PCDHA8: variants seen among roughly 807,000 people sequenced by gnomAD.
The protein encoded by PCDHA8 is protocadherin alpha-8.
A neutral mutation model predicts 61.8 loss-of-function variants in PCDHA8; 53 were observed. That is an observed-to-expected ratio of 0.86 (90% CI 0.69 to 1.08). The LOEUF is 1.08. Among genes scored for constraint, PCDHA8 ranks in the 50% least tolerant of loss-of-function variants. The pLI, the probability that PCDHA8 is intolerant of heterozygous loss-of-function variation, is 0.00. For missense variants in PCDHA8, 1,293 were observed against 1,245.0 expected (o/e 1.04, Z -0.58); for synonymous variants, 618 against 556.6 (o/e 1.11, Z -1.55).
At chr5:140,997,472 C>CACA (rs1386540010) in intron 3 of PCDHA8, among the ~76,000 whole-genome samples, 12 of 152,120 alleles carry the variant, frequency 7.9e-5, no homozygotes, top group Non-Finnish European at 1.8e-4. Context: ...GCAATTTTTA[C>CACA]ACAATGATAA....
At chr5:140,985,740 T>TG (rs1554247304) in intron 3 of PCDHA8, among the ~76,000 whole-genome samples, 2 of 53,688 alleles carry the variant, frequency 3.7e-5, no homozygotes, top group Admixed American at 1.9e-4. Flanking sequence ...GATGAATTCC[T>TG]TTTTTTTTTT....
At chr5:140,863,386 T>A in intron 1 of PCDHA8, 1 of 1,032,574 alleles carries the variant, frequency 9.7e-7, no homozygotes, top group Non-Finnish European at 1.4e-6. Context: ...CGAGAGCTCG[T>A]GCATGCCGGG....
rs141054640 is a variant in PCDHA8 at position 140,849,634 on chromosome 5, A to G, written c.2394+5919A>G. The G allele has an allele frequency of 6.8e-4, 1,094 of 1,598,766 alleles. 107 individuals are homozygous for G. Among genetic ancestry groups the G allele is most frequent in the South Asian group, 1.2e-3 (106 of 90,564 alleles). On this transcript the variant is annotated intron_variant, in intron 1 of 3. Coordinates refer to ENST00000531613, the MANE Select transcript of PCDHA8 (RefSeq NM_018911.3). Reference sequence around the variant, plus strand: ...ATTAGTGTGATCGACCTAGACGCAGATGCCAACGGGCAGGTTACCTGCTCC... The same window carrying G: ...ATTAGTGTGATCGACCTAGACGCAGGTGCCAACGGGCAGGTTACCTGCTCC...
intron 1 of PCDHA8, among the ~76,000 whole-genome samples, chr5:140,941,202 C>CCTTCCTTTCTTTCTTT (rs1554213920): frequency 7.0e-4 from 86 of 122,822 alleles, no homozygotes; most frequent in Admixed American, 2.1e-3. Context: ...TTTCTTTCTT[C>CCTTCCTTTCTTTCTTT]CTTTCTTTCT....
At chr5:140,892,592 C>T (rs1053889046) in intron 1 of PCDHA8, among the ~76,000 whole-genome samples, 2 of 152,214 alleles carry the variant, frequency 1.3e-5, no homozygotes, top group Admixed American at 6.5e-5. Context: ...TATTCATTCA[C>T]CTATTTTTTT....
intron 3 of PCDHA8, among the ~76,000 whole-genome samples, chr5:140,989,670 C>T (rs907417768): frequency 6.6e-6 from 1 of 152,104 alleles, no homozygotes; most frequent in African/African-American, 2.4e-5. Flanking sequence ...GAAACTCTGC[C>T]CAGATTTCAA....
chr5:141,009,717 A>C lies in PCDHA8; in HGVS notation c.2633A>C (p.Gln878Pro). Residue 878 changes from glutamine to proline, a missense_variant, in exon 4 of 4, where the codon CAA becomes CCA. Coordinates refer to ENST00000531613, the MANE Select transcript of PCDHA8 (RefSeq NM_018911.3). ...AAATACGGACCAGGCAACCCCAAAC[A>C]ATCCGGTCCCGGTGAGTTGCCCGAC... ...TFKYGPGNPK[Q>P]SGPGELPDKF... is the part of the protein sequence containing the mutation. 4 of 1,614,058 alleles carry C rather than the reference A, an allele frequency of 2.5e-6. No homozygotes were observed. The highest frequency in any genetic ancestry group is 3.4e-6 in the Non-Finnish European group (4 of 1,180,004).
chr5:140,900,167 T>C (rs756471243), intron 1 of PCDHA8, among the ~76,000 whole-genome samples: 1 of 152,238 alleles, frequency 6.6e-6, no homozygotes, highest in Non-Finnish European at 1.5e-5. Context: ...TGTCTTTCTG[T>C]GCCTGGTTTA....
chr5:140,863,399 A>G, intron 1 of PCDHA8: 2 of 871,986 alleles, frequency 2.3e-6, no homozygotes, highest in Non-Finnish European at 3.6e-6. Context: ...ATGCCGGGCA[A>G]GCCCACGCTG....
intron 1 of PCDHA8, among the ~76,000 whole-genome samples, chr5:140,887,924 G>C (rs782008714): frequency 6.6e-5 from 10 of 152,026 alleles, no homozygotes; most frequent in Admixed American, 6.6e-4. Context: ...TCATTTCAGA[G>C]ACCATATTTA....
intron 1 of PCDHA8, chr5:140,860,872 G>C (rs923006368): frequency 1.3e-5 from 2 of 152,288 alleles, no homozygotes; most frequent in African/African-American, 4.8e-5. Context: ...GGAGTAGCTG[G>C]GACTACAGGT....
Position 140,843,333 on chromosome 5 carries a change from A to G in PCDHA8, c.2012A>G (p.Glu671Gly), listed in dbSNP as rs2150357637. 2.5e-6 allele frequency: 4 copies of G among 1,596,000 alleles called. No homozygotes were observed. The Admixed American group carries it at 5.1e-5, about 20-fold the overall frequency. ...ATATVLVSLV[E>G]SGQAPKASSR... ...GCCACGGTTCTGGTGTCGCTGGTGG[A>G]GAGCGGCCAGGCTCCAAAAGCGTCA... Residue 671 changes from glutamate (E) to glycine (G), a missense_variant, in exon 1 of 4, where the codon GAG becomes GGG. By Grantham distance (98) the Glu-to-Gly change is moderately conservative. Transcript: ENST00000531613.
intron 1 of PCDHA8, among the ~76,000 whole-genome samples, chr5:140,953,085 A>G (rs1197965470): frequency 2.0e-5 from 3 of 152,246 alleles, no homozygotes; most frequent in African/African-American, 4.8e-5. Flanking sequence ...ATTGGGGATT[A>G]CAATTTGACA....
chr5:140,866,976 C>T (rs2049689450), intron 1 of PCDHA8: 2 of 152,224 alleles, frequency 1.3e-5, no homozygotes, highest in East Asian at 1.9e-4. Context: ...TCTGAAATAT[C>T]ACAGCCAAAA....
chr5:140,891,226 C>T (rs1417836006), intron 1 of PCDHA8, among the ~76,000 whole-genome samples: 1 of 152,026 alleles, frequency 6.6e-6, no homozygotes, highest in Admixed American at 6.6e-5. Flanking sequence ...TTATAATCAT[C>T]CTGTTCTGGA....
intron 1 of PCDHA8, among the ~76,000 whole-genome samples, chr5:140,956,457 G>T (rs1197742299): frequency 2.0e-5 from 3 of 152,184 alleles, no homozygotes; most frequent in African/African-American, 7.2e-5. Flanking sequence ...TACATTTATT[G>T]ATTTGCATAT....
At position 140,843,553 on chromosome 5, in the gene PCDHA8, G is replaced by A. The variant is rs1275122592; in HGVS notation, c.2232G>A (p.Ala744=). Residue 744 remains alanine, a synonymous_variant, in exon 1 of 4, where the codon GCG becomes GCA. Coordinates refer to ENST00000531613, the MANE Select transcript of PCDHA8 (RefSeq NM_018911.3). ...AGKPTLVCSS[A]VGSWSYSQQQ... ...AGCCCACTCTGGTGTGCTCCAGTGC[G>A]GTGGGGAGCTGGTCATACTCGCAAC... 15 of 1,595,808 alleles carry A rather than the reference G, an allele frequency of 9.4e-6. 2 individuals carry two copies. The highest frequency in any genetic ancestry group is 2.2e-5 in the South Asian group (2 of 90,502).
chr5:141,009,060 G>C (rs1192687086), intron 3 of PCDHA8, among the ~76,000 whole-genome samples: 4 of 152,176 alleles, frequency 2.6e-5, no homozygotes, highest in Non-Finnish European at 5.9e-5. Context: ...AATCACAACT[G>C]TATTCTTTAG....
chr5:140,854,990 G>A (rs2043295354), intron 1 of PCDHA8, among the ~76,000 whole-genome samples: 1 of 149,498 alleles, frequency 6.7e-6, no homozygotes, highest in African/African-American at 2.5e-5. Context: ...GATTCTTTTT[G>A]CCCGTGTAAG....
Sources: gnomAD v4.1 joint callset for allele counts (sites outside exome capture counted in the v4.1 genomes callset) on GRCh38, gnomAD v4.1.1 for gene constraint, MANE v1.5 for transcripts, NCBI Gene and HGNC (gene_info 2026-07-23, HGNC 2026-07-21) for gene names.